Variants in PDE4D observed in about 807,000 individuals in gnomAD.
PDE4D encodes 3',5'-cyclic-AMP phosphodiesterase 4D.
Under a neutral mutation model 87.4 loss-of-function variants are expected in PDE4D, and 24 were observed. That is an observed-to-expected ratio of 0.27 (90% CI 0.20 to 0.39). PDE4D has a LOEUF of 0.39. PDE4D is among the 10% of genes least tolerant of loss of function. The pLI is 1.00. For synonymous variants in PDE4D, 384 were observed against 383.2 expected (o/e 1.00, Z -0.02); for missense variants, 714 against 1,041.0 (o/e 0.69, Z 4.32).
chr5:60,228,722 A>G (rs189578905), intron 1 of PDE4D, among the ~76,000 whole-genome samples: 1 of 152,000 alleles, frequency 6.6e-6, no homozygotes, highest in Non-Finnish European at 1.5e-5. Context: ...ACCAAAAAAA[A>G]CAAAAAACAA....
intron 1 of PDE4D, among the ~76,000 whole-genome samples, chr5:59,767,290 CATCTT>C (rs1419250337): frequency 6.6e-6 from 1 of 152,074 alleles, no homozygotes; most frequent in African/African-American, 2.4e-5. Flanking sequence ...AATTTATACT[CATCTT>C]ATCAAAATGT....
At chr5:59,392,115 A>C (rs1185164441) in intron 1 of PDE4D, among the ~76,000 whole-genome samples, 4 of 151,908 alleles carry the variant, frequency 2.6e-5, no homozygotes, top group Non-Finnish European at 4.4e-5. Context: ...CTTCTGTGAT[A>C]ATCCTGAGTG....
At chr5:59,607,308 CACTG>C (rs1338691095) in intron 1 of PDE4D, among the ~76,000 whole-genome samples, 5 of 152,110 alleles carry the variant, frequency 3.3e-5, no homozygotes, top group South Asian at 2.1e-4. Context: ...ATTCATCTAG[CACTG>C]ACTGAGTGCC....
intron 1 of PDE4D, chr5:60,460,121 G>A: frequency 6.2e-7 from 1 of 1,603,014 alleles, no homozygotes; most frequent in Non-Finnish European, 8.5e-7. Flanking sequence ...AAGCTCTCTG[G>A]TTCCTCATGC....
chr5:59,754,630 G>A lies in PDE4D; in HGVS notation c.455+138538C>T, dbSNP rs1760949796. ...CTGTGTGAGCATTCTAGCATGGAAA[G>A]TAATTAGTTTACAGAGTAAAAAAGA... On this transcript the variant is annotated intron_variant, in intron 1 of 14. Transcript: ENST00000340635. 2.0e-5 allele frequency among the ~76,000 whole-genome samples: 3 copies of A among 152,078 alleles called. No homozygotes were observed. In the South Asian group the frequency reaches 6.2e-4, roughly 31 times the overall value.
chr5:59,601,440 T>C (rs1827494262), intron 1 of PDE4D, among the ~76,000 whole-genome samples: 1 of 151,652 alleles, frequency 6.6e-6, no homozygotes, highest in Admixed American at 6.6e-5. Context: ...TTAACTCCTA[T>C]GTCTGAATGG....
At chr5:59,488,275 C>T (rs1279321441) in intron 1 of PDE4D, among the ~76,000 whole-genome samples, 3 of 151,892 alleles carry the variant, frequency 2.0e-5, no homozygotes, top group South Asian at 4.2e-4. Context: ...GCTGTAGCTT[C>T]GTTTCCTTTT....
chr5:59,480,210 T>C (rs1490341184), intron 1 of PDE4D, among the ~76,000 whole-genome samples: 1 of 151,998 alleles, frequency 6.6e-6, no homozygotes, highest in Non-Finnish European at 1.5e-5. Flanking sequence ...TTTTTTTAAT[T>C]CAAACTGTTC....
intron 1 of PDE4D, among the ~76,000 whole-genome samples, chr5:60,236,785 T>C (rs993352040): frequency 6.6e-6 from 1 of 151,892 alleles, no homozygotes; most frequent in Non-Finnish European, 1.5e-5. Flanking sequence ...AGGGGAGCCA[T>C]GAGCCGAGGA....
At chr5:59,970,955 C>T (rs1487252935) in intron 3 of PDE4D, among the ~76,000 whole-genome samples, 1 of 150,630 alleles carries the variant, frequency 6.6e-6, no homozygotes, top group East Asian at 1.9e-4. Context: ...TTGGAACCAA[C>T]CCAAATGTCC....
chr5:59,576,961 G>T (rs189401222), intron 1 of PDE4D, among the ~76,000 whole-genome samples: 1 of 152,004 alleles, frequency 6.6e-6, no homozygotes, highest in Non-Finnish European at 1.5e-5. Flanking sequence ...TTCTCAATTT[G>T]CCCACTGTCA....
chr5:59,020,056 C>T (rs544809579), intron 6 of PDE4D, among the ~76,000 whole-genome samples: 3 of 152,222 alleles, frequency 2.0e-5, no homozygotes, highest in Admixed American at 1.3e-4. Flanking sequence ...GCAGCCAAAA[C>T]GTACAAAATG....
chr5:60,430,395 C>T (rs1744117306), intron 1 of PDE4D: 1 of 367,418 alleles, frequency 2.7e-6, no homozygotes, highest in Non-Finnish European at 5.3e-6. Context: ...GCCCCTTGGC[C>T]TTGCTTCTTT....
At chr5:60,016,644 C>T (rs968794785) in intron 2 of PDE4D, among the ~76,000 whole-genome samples, 4 of 152,158 alleles carry the variant, frequency 2.6e-5, no homozygotes, top group African/African-American at 9.7e-5. Context: ...ATGTTCACAG[C>T]GTCTTCATCA....
chr5:59,160,634 AC>A (rs1780924689), intron 5 of PDE4D, among the ~76,000 whole-genome samples: 1 of 152,096 alleles, frequency 6.6e-6, no homozygotes, highest in Non-Finnish European at 1.5e-5. Context: ...GTGAGGCACC[AC>A]GCCTGCCCCC....
At chr5:60,243,556 A>G (rs1747373313) in intron 1 of PDE4D, among the ~76,000 whole-genome samples, 1 of 152,046 alleles carries the variant, frequency 6.6e-6, no homozygotes, top group Non-Finnish European at 1.5e-5. Flanking sequence ...TGATACAAAA[A>G]TCCTCAACAA....
chr5:59,047,932 C>A (rs1426646780), intron 5 of PDE4D, among the ~76,000 whole-genome samples: 1 of 152,222 alleles, frequency 6.6e-6, no homozygotes, highest in African/African-American at 2.4e-5. Context: ...CCTGACTATG[C>A]TGACACCCTG....
intron 1 of PDE4D, among the ~76,000 whole-genome samples, chr5:60,515,091 A>T (rs1301787971): frequency 1.3e-5 from 2 of 152,164 alleles, no homozygotes; most frequent in Admixed American, 1.3e-4. Context: ...ATACAAATAC[A>T]TCTAACAAAA....
At chr5:59,592,417 AT>A (rs1826041884) in intron 1 of PDE4D, among the ~76,000 whole-genome samples, 1 of 152,144 alleles carries the variant, frequency 6.6e-6, no homozygotes, top group Admixed American at 6.6e-5. Context: ...CAATTTCTAC[AT>A]ATTCTCATAA....
Sources: allele counts gnomAD v4.1 joint callset (sites outside exome capture counted in the v4.1 genomes callset), GRCh38; gene constraint gnomAD v4.1.1; transcripts MANE v1.5; gene names NCBI Gene and HGNC (gene_info 2026-07-23, HGNC 2026-07-21).